BLK: variants seen among roughly 807,000 people sequenced by gnomAD.
BLK encodes the protein BLK proto-oncogene, Src family tyrosine kinase.
BLK carries 64 observed loss-of-function variants against 61.8 expected under a neutral mutation model. The observed-to-expected ratio is 1.03, with a 90% CI of 0.85 to 1.27. BLK has a LOEUF of 1.27. Among genes scored for constraint, BLK ranks in the 50% most tolerant of loss-of-function variants. The pLI, the probability that BLK is intolerant of heterozygous loss-of-function variation, is 0.00. For missense variants in BLK, 853 were observed against 660.5 expected (o/e 1.29, Z -3.19); for synonymous variants, 351 against 272.0 (o/e 1.29, Z -2.86).
chr8:11,519,938 G>A (rs1371887614), intron 1 of BLK, among the ~76,000 whole-genome samples: 1 of 152,042 alleles, frequency 6.6e-6, no homozygotes, highest in Non-Finnish European at 1.5e-5. Context: ...TGGGTATTGG[G>A]GTTCTGGGAA....
chr8:11,553,436 G>C, intron 6 of BLK: 1 of 435,154 alleles, frequency 2.3e-6, no homozygotes, highest in Non-Finnish European at 4.6e-6. Flanking sequence ...CTTTACAAAG[G>C]ACACCAAATT....
intron 9 of BLK, 151 bp downstream of exon 9, chr8:11,556,988 G>T: frequency 3.3e-6 from 2 of 610,286 alleles, no homozygotes; most frequent in South Asian, 1.8e-5. Context: ...GGGATGGAGG[G>T]AGGGGGAGGG....
chr8:11,540,217 G>A (rs1800315705), intron 1 of BLK, among the ~76,000 whole-genome samples: 1 of 151,722 alleles, frequency 6.6e-6, no homozygotes, highest in Admixed American at 6.6e-5. Context: ...TATCATGTGA[G>A]GTAGGGGTTC....
At chr8:11,530,467 G>C (rs1799840166) in intron 1 of BLK, among the ~76,000 whole-genome samples, 1 of 152,184 alleles carries the variant, frequency 6.6e-6, no homozygotes, top group Non-Finnish European at 1.5e-5. Context: ...TTCAGTCAAA[G>C]CCTTGGTAAA....
intron 6 of BLK, among the ~76,000 whole-genome samples, chr8:11,551,403 T>G (rs1448004754): frequency 2.6e-5 from 4 of 152,180 alleles, no homozygotes; most frequent in Admixed American, 1.3e-4. Context: ...TGTCCTAATC[T>G]CTTCTTGTAA....
intron 1 of BLK, among the ~76,000 whole-genome samples, chr8:11,521,747 G>A (rs780576914): frequency 6.6e-6 from 1 of 152,176 alleles, no homozygotes; most frequent in South Asian, 2.1e-4. Context: ...ATGTGCATGA[G>A]GGTCCGTCTG....
Position 11,494,495 on chromosome 8 carries a change from G to C in BLK, c.-98G>C, listed in dbSNP as rs1161447999. 2.0e-5 allele frequency: 3 copies of C among 152,264 alleles called. No individual in the cohort carries two copies. Among genetic ancestry groups the C allele is most frequent in the Non-Finnish European group, 2.9e-5 (2 of 68,060 alleles). 9.4% of individuals were successfully genotyped at this position (152,264 alleles called of 1,614,324 possible). The stretch of plus-strand genomic sequence containing the variant: ...TGGGACTGGCTTTTGCTTTAGGATG[G>C]TGTTGGAAGTTGCTCGTTGTCGCTA... On this transcript the variant is annotated 5_prime_UTR_variant, in exon 1 of 13. Coordinates refer to ENST00000259089, the MANE Select transcript of BLK (RefSeq NM_001715.3).
chr8:11,543,539 C>A (rs1053401270), intron 2 of BLK, among the ~76,000 whole-genome samples, 192 bp downstream of exon 2: 3 of 152,090 alleles, frequency 2.0e-5, no homozygotes, highest in Non-Finnish European at 2.9e-5. Context: ...TAATTCTTAG[C>A]CAGAGCTCAT....
At chr8:11,515,763 G>A (rs1009636093) in intron 1 of BLK, among the ~76,000 whole-genome samples, 10 of 152,230 alleles carry the variant, frequency 6.6e-5, no homozygotes, top group Admixed American at 1.3e-4. Flanking sequence ...TGCGGGGATG[G>A]CCCAGAACAG....
intron 1 of BLK, among the ~76,000 whole-genome samples, chr8:11,519,002 C>G (rs930360738): frequency 1.3e-5 from 2 of 152,124 alleles, no homozygotes; most frequent in Admixed American, 1.3e-4. Flanking sequence ...GTCCCGTCAT[C>G]CTGTTTGAAT....
At chr8:11,544,125 T>C (rs1800513494) in intron 2 of BLK, among the ~76,000 whole-genome samples, 1 of 152,102 alleles carries the variant, frequency 6.6e-6, no homozygotes, top group Non-Finnish European at 1.5e-5. Flanking sequence ...CCACCACACC[T>C]GGCTAATTTT....
intron 1 of BLK, among the ~76,000 whole-genome samples, chr8:11,542,726 T>G (rs146606183): frequency 6.6e-6 from 1 of 152,352 alleles, no homozygotes; most frequent in Admixed American, 6.5e-5. Context: ...ATGTATATAG[T>G]GTCTCACCCA....
At chr8:11,496,031 C>T (rs1390123606) in intron 1 of BLK, among the ~76,000 whole-genome samples, 3 of 152,164 alleles carry the variant, frequency 2.0e-5, no homozygotes, top group East Asian at 1.9e-4. Context: ...GGAAAACTGG[C>T]GTTCATGGCC....
chr8:11,507,666 C>T (rs987587157), intron 1 of BLK, among the ~76,000 whole-genome samples: 5 of 152,284 alleles, frequency 3.3e-5, no homozygotes, highest in East Asian at 3.9e-4. Flanking sequence ...TTGGGGGTTA[C>T]TGGGTCCATG....
intron 1 of BLK, among the ~76,000 whole-genome samples, chr8:11,531,562 G>C (rs1799887022): frequency 6.6e-6 from 1 of 152,066 alleles, no homozygotes; most frequent in Admixed American, 6.5e-5. Flanking sequence ...AATGTACCTT[G>C]GTGTGGTTTT....
In BLK at chr8:11,556,290, T is replaced by C. The variant is rs186180619; in HGVS notation, c.773-368T>C. 171 of 344,112 alleles carry C rather than the reference T, an allele frequency of 5.0e-4. 1 individual carries two copies. The highest frequency in any genetic ancestry group is 4.2e-3 in the Admixed American group (109 of 25,774). The allele number at this position is 344,112 out of a possible 1,614,324, so 21.3% of individuals were successfully genotyped here. ...CCATGCGTCATCCTCCTGCCCAGTG[T>C]ACCCCAGGCTGTGTGCTTATTTCCA... On this transcript the variant is annotated intron_variant, in intron 8 of 12. Transcript: ENST00000259089.
At position 11,563,021 on chromosome 8, in the gene BLK, A is replaced by G. The variant is rs1050194192; in HGVS notation, c.1223A>G (p.His408Arg). 4 of 1,614,032 alleles carry G rather than the reference A, an allele frequency of 2.5e-6. No individual in the cohort carries two copies. The African/African-American group carries it at 4.0e-5, about 16-fold the overall frequency. ...AAGTGGACAGCCCCGGAAGCCATCCACTTCGGGGTCTTCACCATCAAAGCA... is the reference window on the plus strand; with the variant it reads ...AAGTGGACAGCCCCGGAAGCCATCCGCTTCGGGGTCTTCACCATCAAAGCA... ...PIKWTAPEAI[H>R]FGVFTIKADV... The change falls in exon 12 of 13, where the codon CAC (histidine) becomes CGC (arginine). Residue 408 changes from histidine (H) to arginine (R), a missense_variant. Transcript: ENST00000259089.
chr8:11,562,893 G>A (rs1585425583), intron 11 of BLK, 86 bp from the exon 12 acceptor site: 1 of 1,587,486 alleles, frequency 6.3e-7, no homozygotes, highest in East Asian at 2.2e-5. Flanking sequence ...TTGATGGAAG[G>A]ACAGCAGGAG....
At chr8:11,545,863 G>T (rs1463630815) in intron 2 of BLK, 189 bp from the exon 3 acceptor site, 4 of 699,634 alleles carry the variant, frequency 5.7e-6, no homozygotes, top group African/African-American at 5.2e-5. Context: ...CAGAGGGCGG[G>T]GGTCTGTCTG....
Sources: gnomAD v4.1 joint callset for allele counts (sites outside exome capture counted in the v4.1 genomes callset) on GRCh38, gnomAD v4.1.1 for gene constraint, MANE v1.5 for transcripts, NCBI Gene and HGNC (gene_info 2026-07-23, HGNC 2026-07-21) for gene names.